Variants in PRKCZ observed in about 807,000 individuals in gnomAD.
PRKCZ encodes the protein protein kinase C zeta.
In PRKCZ, 33 loss-of-function variants were observed where a neutral mutation model predicts 79.5. The ratio of observed to expected loss-of-function variants is 0.41; its 90% CI spans 0.31 to 0.55. The LOEUF (loss-of-function observed/expected upper bound fraction) is 0.55. PRKCZ is among the 20% of genes least tolerant of loss of function. The pLI is 0.19. For missense variants in PRKCZ, 578 were observed against 813.5 expected, an observed-to-expected ratio of 0.71 and a Z score of 3.52; for synonymous variants, 342 against 320.9, an observed-to-expected ratio of 1.07 and a Z score of -0.70.
At chr1:2,093,642 G>A (rs1045080452) in intron 4 of PRKCZ, among the ~76,000 whole-genome samples, 16 of 152,118 alleles carry the variant, frequency 1.1e-4, no homozygotes, top group Admixed American at 3.3e-4. Context: ...CTGTTGGTGC[G>A]GGGCCGCTGG....
chr1:2,124,351 G>A lies in PRKCZ; in HGVS notation c.335-10911G>A, dbSNP rs1176902302. 4.3e-5 allele frequency among the ~76,000 whole-genome samples: 5 copies of A among 117,548 alleles called. 2 individuals are homozygous for A. Among genetic ancestry groups the A allele is most frequent in the African/African-American group, 7.2e-5 (2 of 27,906 alleles). The allele number at this position is 117,548 out of a possible 152,430, so 77.1% of individuals were successfully genotyped here. On this transcript the variant is annotated intron_variant, in intron 4 of 17. Coordinates refer to ENST00000378567, the MANE Select transcript of PRKCZ (RefSeq NM_002744.6). ...GGGTCACGGTGGTGGTTAGGGTCAC[G>A]GCGGTGGTTAGGGTCACGGCGGCGG... is the stretch of plus-strand genomic sequence containing the variant.
At chr1:2,167,832 T>G (rs1269488466) in intron 10 of PRKCZ, among the ~76,000 whole-genome samples, 1 of 152,204 alleles carries the variant, frequency 6.6e-6, no homozygotes, top group African/African-American at 2.4e-5. Flanking sequence ...CTCGAACTCC[T>G]GACCTCAGGT....
In PRKCZ at chr1:2,178,220, G is replaced by A. The variant is rs1437102001; in HGVS notation, c.1575+2907G>A. Among the ~76,000 whole-genome samples the A allele has an allele frequency of 6.6e-6, 1 of 152,192 alleles. No individual in the cohort carries two copies. The highest frequency in any genetic ancestry group is 2.4e-5 in the African/African-American group (1 of 41,424). ...CCACTCCAGCCTCTCCCCACACCCT[G>A]CAGTGGCTGCTCCGCCAGGCTGTGT... On this transcript the variant is annotated intron_variant, in intron 16 of 17. Coordinates refer to ENST00000378567, the MANE Select transcript of PRKCZ (RefSeq NM_002744.6). The surrounding 1 kb of genome is among the most constrained non-coding windows in gnomAD (Gnocchi z 4.3).
At chr1:2,118,528 G>T (rs995250403) in intron 4 of PRKCZ, among the ~76,000 whole-genome samples, 1 of 151,360 alleles carries the variant, frequency 6.6e-6, no homozygotes, top group African/African-American at 2.4e-5. Flanking sequence ...TAGTAGAGAC[G>T]AGGTTTCACC....
intron 5 of PRKCZ, among the ~76,000 whole-genome samples, chr1:2,136,187 CCTT>C (rs943451181): frequency 2.0e-5 from 3 of 152,206 alleles, no homozygotes; most frequent in African/African-American, 7.2e-5. Context: ...ACCTGCCCCT[CCTT>C]CTACTCCCAT....
chr1:2,126,202 T>C (rs1673850953), intron 4 of PRKCZ, among the ~76,000 whole-genome samples: 1 of 152,122 alleles, frequency 6.6e-6, no homozygotes, highest in Admixed American at 6.5e-5. Flanking sequence ...GCTTCCTCAA[T>C]GGGAAACTTT....
chr1:2,075,517 TC>T lies in PRKCZ; in HGVS notation c.334+15928del, dbSNP rs1308752785. The T allele has an allele frequency of 6.6e-6, 1 of 152,258 alleles. No individual in the cohort carries two copies. Among genetic ancestry groups the T allele is most frequent in the African/African-American group, 2.4e-5 (1 of 41,420 alleles). 9.4% of individuals were successfully genotyped at this position (152,258 alleles called of 1,614,324 possible). ...CCAGATCGGCACACATCTTCCGCGT[TC>T]CTGTCCCAGCTGCATCAGCCATCAG... On this transcript the variant is annotated intron_variant, in intron 4 of 17. Transcript: ENST00000378567. This position sits in a 1 kb window ranked among gnomAD's most constrained non-coding sequence, Gnocchi z 4.8.
chr1:2,156,667 A>G lies in PRKCZ; in HGVS notation c.974+575A>G, dbSNP rs139694513. On this transcript the variant is annotated intron_variant, in intron 10 of 17. Coordinates refer to ENST00000378567, the MANE Select transcript of PRKCZ (RefSeq NM_002744.6). ...CCGCACTGGGGGCCACAGCTGGCATACTGCACTGGGGAGATAAAGGAGACT... is the reference window on the plus strand; with the variant it reads ...CCGCACTGGGGGCCACAGCTGGCATGCTGCACTGGGGAGATAAAGGAGACT... 2.1e-3 allele frequency: 329 copies of G among 155,106 alleles called. 1 individual carries two copies. The highest frequency in any genetic ancestry group is 6.7e-3 in the South Asian group (34 of 5,082). The allele number at this position is 155,106 out of a possible 1,614,324, so 9.6% of individuals were successfully genotyped here.
rs928332447 is a variant in PRKCZ, at chr1:2,127,530, C to T, written c.335-7732C>T. The stretch of plus-strand genomic sequence containing the variant: ...CTCCCACTGCCCTCAGCCTCTGGAA[C>T]GGTGCCTGCATGGCTGGCACTATCC... On this transcript the variant is annotated intron_variant, in intron 4 of 17. Coordinates refer to ENST00000378567, the MANE Select transcript of PRKCZ (RefSeq NM_002744.6). The surrounding 1 kb of genome is among the most constrained non-coding windows in gnomAD (Gnocchi z 5.1). Among the ~76,000 whole-genome samples, 2 of 152,164 alleles carry T rather than the reference C, an allele frequency of 1.3e-5. No individual in the cohort carries two copies. Among genetic ancestry groups the T allele is most frequent in the Non-Finnish European group, 2.9e-5 (2 of 68,024 alleles).
chr1:2,147,036 CCCAT>C (rs1039173169), intron 7 of PRKCZ, among the ~76,000 whole-genome samples: 2 of 152,210 alleles, frequency 1.3e-5, no homozygotes, highest in Non-Finnish European at 2.9e-5. Flanking sequence ...CCTCCACCCA[CCCAT>C]CCTCCAGCTA....
chr1:2,116,170 C>G (rs917018693), intron 4 of PRKCZ: 1 of 152,314 alleles, frequency 6.6e-6, no homozygotes, highest in African/African-American at 2.4e-5. Context: ...AAGGCTGAAT[C>G]TGTGTTGATG....
chr1:2,068,442 G>A (rs576084645), intron 4 of PRKCZ, among the ~76,000 whole-genome samples: 68 of 152,354 alleles, frequency 4.5e-4, no homozygotes, highest in Middle Eastern at 3.4e-3. Context: ...CATCACTCCA[G>A]CCTCTGGCCT....
chr1:2,056,313 C>T (rs1218591251), intron 2 of PRKCZ, among the ~76,000 whole-genome samples, 171 bp from the exon 3 acceptor site: 1 of 152,184 alleles, frequency 6.6e-6, no homozygotes, highest in Non-Finnish European at 1.5e-5. Context: ...AGGTGACTCC[C>T]TAGTGTGGAC....
chr1:2,101,470 C>T (rs1334729832), intron 4 of PRKCZ, among the ~76,000 whole-genome samples: 1 of 152,220 alleles, frequency 6.6e-6, no homozygotes, highest in Non-Finnish European at 1.5e-5. Flanking sequence ...CATCCTGTTG[C>T]TGATTTACTT....
chr1:2,156,890 T>C (rs1290511572), intron 10 of PRKCZ, among the ~76,000 whole-genome samples: 2 of 152,224 alleles, frequency 1.3e-5, no homozygotes, highest in Non-Finnish European at 2.9e-5. Flanking sequence ...TTAGTCAGGG[T>C]TCTCCTGAGA....
At position 2,185,016 on chromosome 1, in the gene PRKCZ, G is replaced by GT. The variant is rs753295269; in HGVS notation, c.*8dup. 4 of 1,607,854 alleles carry GT rather than the reference G, an allele frequency of 2.5e-6. No homozygotes were observed. In the East Asian group the frequency reaches 8.9e-5, roughly 36 times the overall value. ...CACCGAGGAGTCGGTGTGAGGCCGC[G>GT]TGCGTCTCTGTCGTGGACACGCGTG... On this transcript the variant is annotated 3_prime_UTR_variant, in exon 18 of 18. Transcript: ENST00000378567.
In PRKCZ at chr1:2,178,592, C is replaced by T. The variant is rs1386832089; in HGVS notation, c.1575+3279C>T. On this transcript the variant is annotated intron_variant, in intron 16 of 17. Coordinates refer to ENST00000378567, the MANE Select transcript of PRKCZ (RefSeq NM_002744.6). The surrounding 1 kb of genome is among the most constrained non-coding windows in gnomAD (Gnocchi z 4.3). ...ATTTCTCTTGGGCACGTGCTCAGGG[C>T]GCAGTTGCAGGTCCGGTGGTCTCAG... is the stretch of plus-strand genomic sequence containing the variant. 1.3e-5 allele frequency among the ~76,000 whole-genome samples: 2 copies of T among 152,300 alleles called. No individual in the cohort carries two copies. Among genetic ancestry groups the T allele is most frequent in the Non-Finnish European group, 1.5e-5 (1 of 68,020 alleles).
chr1:2,105,936 A>G (rs1247547715), intron 4 of PRKCZ, among the ~76,000 whole-genome samples: 1 of 152,146 alleles, frequency 6.6e-6, no homozygotes, highest in Non-Finnish European at 1.5e-5. Context: ...CCCCCCACAC[A>G]CACATGCTGG....
chr1:2,068,741 C>T (rs545021956), intron 4 of PRKCZ, among the ~76,000 whole-genome samples: 1 of 152,342 alleles, frequency 6.6e-6, no homozygotes, highest in East Asian at 1.9e-4. Context: ...TGTGGGTGGG[C>T]TCTGTCCCCA....
Sources: allele counts gnomAD v4.1 joint callset (sites outside exome capture counted in the v4.1 genomes callset), GRCh38; gene constraint gnomAD v4.1.1; non-coding constraint Gnocchi (gnomAD v3.1); transcripts MANE v1.5; gene names NCBI Gene and HGNC (gene_info 2026-07-23, HGNC 2026-07-21).